RNF217: variants seen among roughly 807,000 people sequenced by gnomAD.
The protein encoded by RNF217 is E3 ubiquitin-protein ligase RNF217.
Under a neutral mutation model 57.8 loss-of-function variants are expected in RNF217, and 31 were observed. The ratio of observed to expected loss-of-function variants is 0.54; its 90% CI spans 0.40 to 0.72. The LOEUF (loss-of-function observed/expected upper bound fraction) is 0.72, where lower values mean the gene tolerates loss of function less well. Among genes scored for constraint, RNF217 ranks in the 30% least tolerant of loss-of-function variants. RNF217 has a pLI of 0.00. For synonymous variants in RNF217, 313 were observed against 294.0 expected (o/e 1.06, Z -0.66); for missense variants, 696 against 708.3 (o/e 0.98, Z 0.20).
At chr6:125,073,417 T>C (rs1788226468) in intron 3 of RNF217, among the ~76,000 whole-genome samples, 1 of 152,166 alleles carries the variant, frequency 6.6e-6, no homozygotes, top group Non-Finnish European at 1.5e-5. Flanking sequence ...GCCTTGTATC[T>C]AATTTGTCTT....
chr6:125,003,025 T>C (rs1785047716), intron 1 of RNF217, among the ~76,000 whole-genome samples: 1 of 152,174 alleles, frequency 6.6e-6, no homozygotes, highest in South Asian at 2.1e-4. Context: ...AAGGACTGAT[T>C]TAGTAATAAT....
At chr6:125,007,336 C>G (rs1402145308) in intron 1 of RNF217, among the ~76,000 whole-genome samples, 4 of 151,274 alleles carry the variant, frequency 2.6e-5, no homozygotes, top group Non-Finnish European at 5.9e-5. Flanking sequence ...ACCTCTGCCT[C>G]CTGGGTTCAA....
rs974963559 is a variant in RNF217, at chr6:125,089,482, C to T, written c.*6545C>T. ...CAATTATGGATTCATGCTCTGTGAACATTGTTAGATTTTTAATAATCTAAA... is the reference window on the plus strand; with the variant it reads ...CAATTATGGATTCATGCTCTGTGAATATTGTTAGATTTTTAATAATCTAAA... On this transcript the variant is annotated 3_prime_UTR_variant, in exon 6 of 6. Transcript: ENST00000521654. 2.6e-5 allele frequency: 4 copies of T among 152,096 alleles called. No individual in the cohort carries two copies. Among genetic ancestry groups the T allele is most frequent in the Non-Finnish European group, 5.9e-5 (4 of 68,012 alleles). The allele number at this position is 152,096 out of a possible 1,614,324, so 9.4% of individuals were successfully genotyped here.
At chr6:125,033,770 A>C (rs1786473694) in intron 1 of RNF217, among the ~76,000 whole-genome samples, 1 of 151,968 alleles carries the variant, frequency 6.6e-6, no homozygotes, top group Non-Finnish European at 1.5e-5. Context: ...GAATCGCCAC[A>C]CTGACTTCCA....
At chr6:125,073,867 C>T (rs904829037) in intron 3 of RNF217, among the ~76,000 whole-genome samples, 1 of 152,142 alleles carries the variant, frequency 6.6e-6, no homozygotes, top group South Asian at 2.1e-4. Flanking sequence ...TGTGCCAAAA[C>T]GAGTTTGGCA....
chr6:125,053,571 G>T (rs1787409439), intron 2 of RNF217, among the ~76,000 whole-genome samples: 1 of 152,054 alleles, frequency 6.6e-6, no homozygotes, highest in African/African-American at 2.4e-5. Context: ...CTAGAATTTA[G>T]GCAGGAAAAT....
At chr6:124,978,739 C>T (rs1010091283) in intron 1 of RNF217, among the ~76,000 whole-genome samples, 8 of 152,110 alleles carry the variant, frequency 5.3e-5, no homozygotes, top group African/African-American at 1.9e-4. Flanking sequence ...GGTTACAGCT[C>T]ATTTGTTCTC....
intron 1 of RNF217, among the ~76,000 whole-genome samples, chr6:125,035,537 G>A (rs1362405447): frequency 6.6e-6 from 1 of 152,108 alleles, no homozygotes; most frequent in South Asian, 2.1e-4. Flanking sequence ...CATTGCTTTG[G>A]AGTTCTTTAT....
chr6:125,019,026 A>ATCC (rs1562470580), intron 1 of RNF217, among the ~76,000 whole-genome samples: 1 of 152,122 alleles, frequency 6.6e-6, no homozygotes, highest in Non-Finnish European at 1.5e-5. Flanking sequence ...CAAGGAAAAG[A>ATCC]TCCTAGGTTA....
chr6:125,022,591 C>T (rs1188563179), intron 1 of RNF217, among the ~76,000 whole-genome samples: 3 of 152,148 alleles, frequency 2.0e-5, no homozygotes, highest in Non-Finnish European at 4.4e-5. Context: ...GGCTTCTGGC[C>T]TACATGTGGC....
chr6:124,967,954 A>G (rs1166792853), intron 1 of RNF217, among the ~76,000 whole-genome samples: 3 of 151,978 alleles, frequency 2.0e-5, no homozygotes, highest in Admixed American at 1.3e-4. Flanking sequence ...AATTTTTTGT[A>G]TTTTTAGTAG....
intron 5 of RNF217, among the ~76,000 whole-genome samples, chr6:125,081,952 C>T (rs1161454153): frequency 2.0e-5 from 3 of 152,082 alleles, no homozygotes; most frequent in Non-Finnish European, 4.4e-5. Context: ...ATATACCCAA[C>T]ATACACTTGA....
intron 1 of RNF217, among the ~76,000 whole-genome samples, chr6:125,005,481 T>C (rs1187213830): frequency 6.6e-6 from 1 of 152,218 alleles, no homozygotes; most frequent in Non-Finnish European, 1.5e-5. Flanking sequence ...AGAATAAACT[T>C]GATCTCTGCA....
chr6:125,000,734 T>C lies in RNF217; in HGVS notation c.882+37308T>C, dbSNP rs114722264. ...ACATGCCTACATTTTAAGGAAGTTT[T>C]CCATATTCCTATTTCAACTAAGTTC... On this transcript the variant is annotated intron_variant, in intron 1 of 5. Coordinates refer to ENST00000521654, the MANE Select transcript of RNF217 (RefSeq NM_001286398.3). Among the ~76,000 whole-genome samples the C allele has an allele frequency of 2.6e-3, 398 of 152,190 alleles. 1 individual carries two copies. The highest frequency in any genetic ancestry group is 9.0e-3 in the African/African-American group (373 of 41,550).
At chr6:125,005,811 G>A (rs1042812723) in intron 1 of RNF217, among the ~76,000 whole-genome samples, 3 of 152,074 alleles carry the variant, frequency 2.0e-5, no homozygotes, top group African/African-American at 7.2e-5. Context: ...GTTTTGTATA[G>A]AACATAAGGT....
intron 1 of RNF217, among the ~76,000 whole-genome samples, chr6:125,034,486 G>T (rs1314335867): frequency 6.6e-6 from 1 of 152,080 alleles, no homozygotes; most frequent in Non-Finnish European, 1.5e-5. Flanking sequence ...TGTCAGGTTT[G>T]TCAAAGATCA....
intron 1 of RNF217, among the ~76,000 whole-genome samples, chr6:125,002,782 C>CT (rs775960734): frequency 7.9e-4 from 121 of 152,210 alleles, no homozygotes; most frequent in Admixed American, 3.0e-3. Flanking sequence ...ATTTTTGTAA[C>CT]TAAGTACTTA....
chr6:125,014,766 A>G (rs779032283), intron 1 of RNF217, among the ~76,000 whole-genome samples: 1 of 152,182 alleles, frequency 6.6e-6, no homozygotes, highest in Non-Finnish European at 1.5e-5. Flanking sequence ...CATTTTTGTG[A>G]TGAAAGGAAG....
intron 2 of RNF217, among the ~76,000 whole-genome samples, chr6:125,053,728 C>T (rs1787415229): frequency 6.6e-6 from 1 of 151,966 alleles, no homozygotes; most frequent in South Asian, 2.1e-4. Flanking sequence ...GCACAGATTT[C>T]TGGTAAAACT....
Sources: allele counts gnomAD v4.1 joint callset (sites outside exome capture counted in the v4.1 genomes callset), GRCh38; gene constraint gnomAD v4.1.1; transcripts MANE v1.5; gene names NCBI Gene and HGNC (gene_info 2026-07-23, HGNC 2026-07-21).